The following FOXK1 variants were observed in gnomAD, a reference collection of about 807,000 sequenced individuals.
The protein encoded by FOXK1 is forkhead box K1.
In FOXK1, 19 loss-of-function variants were observed where a neutral mutation model predicts 51.9. That is an observed-to-expected ratio of 0.37 (90% CI 0.26 to 0.54). The LOEUF is 0.54. FOXK1 is among the 20% of genes least tolerant of loss of function. FOXK1 has a pLI of 0.87. For missense variants in FOXK1, 870 were observed against 1,032.7 expected (o/e 0.84, Z 2.16); for synonymous variants, 537 against 482.6 (o/e 1.11, Z -1.48).
chr7:4,695,142 C>T (rs1307446214), intron 1 of FOXK1, among the ~76,000 whole-genome samples: 1 of 152,222 alleles, frequency 6.6e-6, no homozygotes, highest in Non-Finnish European at 1.5e-5. Flanking sequence ...GGGATGGAGC[C>T]ATTCTGTCTG....
intron 1 of FOXK1, among the ~76,000 whole-genome samples, chr7:4,695,693 T>C (rs533253461): frequency 6.6e-6 from 1 of 152,086 alleles, no homozygotes; most frequent in Non-Finnish European, 1.5e-5. Flanking sequence ...TCCCAGCACT[T>C]TGGGAGGCCA....
chr7:4,746,884 T>C (rs1440139005), intron 2 of FOXK1, among the ~76,000 whole-genome samples: 1 of 152,222 alleles, frequency 6.6e-6, no homozygotes, highest in Non-Finnish European at 1.5e-5. Flanking sequence ...TCCCTGTCCC[T>C]GTAGGCCTTG....
At chr7:4,720,184 G>C (rs369385185) in intron 1 of FOXK1, among the ~76,000 whole-genome samples, 1 of 152,098 alleles carries the variant, frequency 6.6e-6, no homozygotes, top group African/African-American at 2.4e-5. Flanking sequence ...GAGTTTCTTC[G>C]GGTTCATCCT....
intron 1 of FOXK1, among the ~76,000 whole-genome samples, chr7:4,714,957 G>A (rs994776292): frequency 2.6e-5 from 4 of 152,172 alleles, no homozygotes; most frequent in Non-Finnish European, 4.4e-5. Context: ...TGTATTCAGG[G>A]AGTGTCTTGT....
rs777674366 is a variant in FOXK1 at position 4,740,918 on chromosome 7, C to T, written c.641C>T (p.Pro214Leu). 1.2e-5 allele frequency: 19 copies of T among 1,586,768 alleles called. No individual in the cohort carries two copies. Among genetic ancestry groups the T allele is most frequent in the African/African-American group, 2.7e-5 (2 of 72,972 alleles). ...LYHKEEAPAS[P>L]LRPLYPQISP... is the part of the protein sequence containing the mutation. ...CACAAAGAAGAGGCCCCAGCCTCCCCGCTGCGGCCACTGTACCCCCAGATC... is the reference window on the plus strand; with the variant it reads ...CACAAAGAAGAGGCCCCAGCCTCCCTGCTGCGGCCACTGTACCCCCAGATC... Residue 214 changes from proline to leucine, a missense_variant, in exon 2 of 9, where the codon CCG becomes CTG. Coordinates refer to ENST00000328914, the MANE Select transcript of FOXK1 (RefSeq NM_001037165.2).
Position 4,765,601 on chromosome 7 carries a change from A to G in FOXK1, c.*3137A>G, listed in dbSNP as rs1780999948. ...GAGGCTGAGGGCCTGTTCTCTGGTC[A>G]CCAGGGACTGGGGGCACGGTCCACA... is the stretch of plus-strand genomic sequence containing the variant. On this transcript the variant is annotated 3_prime_UTR_variant, in exon 9 of 9. Coordinates refer to ENST00000328914, the MANE Select transcript of FOXK1 (RefSeq NM_001037165.2). 1 of 152,406 alleles carries G rather than the reference A, an allele frequency of 6.6e-6. No homozygotes were observed. The highest frequency in any genetic ancestry group is 1.5e-5 in the Non-Finnish European group (1 of 68,206). 9.4% of individuals were successfully genotyped at this position (152,406 alleles called of 1,614,324 possible).
At position 4,764,064 on chromosome 7, in the gene FOXK1, G is replaced by A. The variant is rs1035090421; in HGVS notation, c.*1600G>A. 1.3e-5 allele frequency: 2 copies of A among 152,504 alleles called. No individual in the cohort carries two copies. Among genetic ancestry groups the A allele is most frequent in the African/African-American group, 4.8e-5 (2 of 41,470 alleles). The allele number at this position is 152,504 out of a possible 1,614,324, so 9.4% of individuals were successfully genotyped here. A position where few individuals can be genotyped will look rare whatever the true frequency, so the allele number is the denominator to read the frequency against. On this transcript the variant is annotated 3_prime_UTR_variant, in exon 9 of 9. Transcript: ENST00000328914. ...CTGCAGAGGGACCCAGGTGCCTGGAGGGCATTTGAGGGAGGTGGCTGGACA... is the reference window on the plus strand; with the variant it reads ...CTGCAGAGGGACCCAGGTGCCTGGAAGGCATTTGAGGGAGGTGGCTGGACA...
At chr7:4,701,183 G>C (rs1283876325) in intron 1 of FOXK1, among the ~76,000 whole-genome samples, 1 of 152,200 alleles carries the variant, frequency 6.6e-6, no homozygotes, top group African/African-American at 2.4e-5. Context: ...CACGATCAGA[G>C]CTAAACAGCA....
intron 2 of FOXK1, 22 bp from the exon 3 acceptor site, chr7:4,754,437 C>T: frequency 6.2e-7 from 1 of 1,609,414 alleles, no homozygotes; most frequent in Non-Finnish European, 8.5e-7. Flanking sequence ...CATGAACTTA[C>T]AGTGTCCTTC....
In FOXK1 at chr7:4,748,915, G is replaced by C. The variant is rs1780739618; in HGVS notation, c.747-5544G>C. On this transcript the variant is annotated intron_variant, in intron 2 of 8. Transcript: ENST00000328914. The surrounding 1 kb of genome is among the most constrained non-coding windows in gnomAD (Gnocchi z 4.9). The stretch of plus-strand genomic sequence containing the variant: ...GCTGGTCTTGAACTCCTGTGCTCAA[G>C]TTATCTGCCCACCTCAGCCTCCCAA... Among the ~76,000 whole-genome samples, 1 of 152,156 alleles carries C rather than the reference G, an allele frequency of 6.6e-6. No individual in the cohort carries two copies. The highest frequency in any genetic ancestry group is 1.9e-4 in the East Asian group (1 of 5,182).
chr7:4,763,677 T>C lies in FOXK1; in HGVS notation c.*1213T>C, dbSNP rs1269466776. Reference sequence around the variant, plus strand: ...GGGATGCTCCAGCCAGTTGGGTGGTTCTGGGGTCCCTGAGGAAGCCCCCTC... The same window carrying C: ...GGGATGCTCCAGCCAGTTGGGTGGTCCTGGGGTCCCTGAGGAAGCCCCCTC... On this transcript the variant is annotated 3_prime_UTR_variant, in exon 9 of 9. Transcript: ENST00000328914. The C allele has an allele frequency of 6.6e-6, 1 of 152,248 alleles. No individual in the cohort carries two copies. Among genetic ancestry groups the C allele is most frequent in the Non-Finnish European group, 1.5e-5 (1 of 68,082 alleles). 9.4% of individuals were successfully genotyped at this position (152,248 alleles called of 1,614,324 possible). A position where few individuals can be genotyped will look rare whatever the true frequency, so the allele number is the denominator to read the frequency against.
chr7:4,725,070 C>T (rs573876403), intron 1 of FOXK1, among the ~76,000 whole-genome samples: 2 of 152,388 alleles, frequency 1.3e-5, no homozygotes, highest in African/African-American at 2.4e-5. Flanking sequence ...CATCCAAGCG[C>T]GGTGCACCCG....
chr7:4,698,963 C>G (rs920352494), intron 1 of FOXK1, among the ~76,000 whole-genome samples: 27 of 152,208 alleles, frequency 1.8e-4, no homozygotes, highest in African/African-American at 5.5e-4. Flanking sequence ...GCTGGTGTTA[C>G]AGGCGTGCAC....
In FOXK1 at chr7:4,766,452, T is replaced by C. The variant is rs777136493; in HGVS notation, c.*3988T>C. 4 of 152,252 alleles carry C rather than the reference T, an allele frequency of 2.6e-5. No homozygotes were observed. Among genetic ancestry groups the C allele is most frequent in the African/African-American group, 4.8e-5 (2 of 41,470 alleles). The allele number at this position is 152,252 out of a possible 1,614,324, so 9.4% of individuals were successfully genotyped here. A position where few individuals can be genotyped will look rare whatever the true frequency, so the allele number is the denominator to read the frequency against. Reference sequence around the variant, plus strand: ...GTCTCACACCTGCCGCCCCTCACTTTCCTTCCCGAGGTCTGGTAGGTCCTC... The same window carrying C: ...GTCTCACACCTGCCGCCCCTCACTTCCCTTCCCGAGGTCTGGTAGGTCCTC... On this transcript the variant is annotated 3_prime_UTR_variant, in exon 9 of 9. Coordinates refer to ENST00000328914, the MANE Select transcript of FOXK1 (RefSeq NM_001037165.2). The surrounding 1 kb of genome is among the most constrained non-coding windows in gnomAD (Gnocchi z 5.5).
chr7:4,705,536 T>TCG, intron 1 of FOXK1, among the ~76,000 whole-genome samples: 1 of 147,326 alleles, frequency 6.8e-6, no homozygotes, highest in African/African-American at 2.6e-5. Flanking sequence ...TCTCTCTCTC[T>TCG]CTCTCTCTCT....
chr7:4,750,528 C>T (rs1343092544), intron 2 of FOXK1, among the ~76,000 whole-genome samples: 2 of 151,688 alleles, frequency 1.3e-5, no homozygotes, highest in East Asian at 3.9e-4. Context: ...CTGCAAGCTC[C>T]GCCTCCCAGG....
In FOXK1 at chr7:4,761,638, A is replaced by G. The variant is rs1469154202; in HGVS notation, c.1921+350A>G. On this transcript the variant is annotated intron_variant, in intron 8 of 8. Transcript: ENST00000328914. This position sits in a 1 kb window ranked among gnomAD's most constrained non-coding sequence, Gnocchi z 6.2. ...CAGCTGCTTGGGAGAGTGAGGCTGTAGTCAGCTGTGATTGCTCCGCTACCT... is the reference window on the plus strand; with the variant it reads ...CAGCTGCTTGGGAGAGTGAGGCTGTGGTCAGCTGTGATTGCTCCGCTACCT... Among the ~76,000 whole-genome samples, 1 of 152,068 alleles carries G rather than the reference A, an allele frequency of 6.6e-6. No individual in the cohort carries two copies. Among genetic ancestry groups the G allele is most frequent in the African/African-American group, 2.4e-5 (1 of 41,414 alleles).
chr7:4,699,776 A>G (rs1163141848), intron 1 of FOXK1, among the ~76,000 whole-genome samples: 1 of 152,186 alleles, frequency 6.6e-6, no homozygotes, highest in East Asian at 1.9e-4. Flanking sequence ...GAGATTCAGT[A>G]CAAGTGTTAA....
At chr7:4,718,389 G>A (rs967193156) in intron 1 of FOXK1, among the ~76,000 whole-genome samples, 6 of 152,228 alleles carry the variant, frequency 3.9e-5, no homozygotes, top group African/African-American at 9.6e-5. Flanking sequence ...AAGCGGGCTC[G>A]TCCGCAGCTC....
Sources: gnomAD v4.1 joint callset for allele counts (sites outside exome capture counted in the v4.1 genomes callset) on GRCh38, gnomAD v4.1.1 for gene constraint, Gnocchi (gnomAD v3.1) non-coding constraint, MANE v1.5 for transcripts, NCBI Gene and HGNC (gene_info 2026-07-23, HGNC 2026-07-21) for gene names.